IGFN1: variants seen among roughly 807,000 people sequenced by gnomAD.
IGFN1 encodes the protein immunoglobulin-like and fibronectin type III domain-containing protein 1.
A neutral mutation model predicts 289.5 loss-of-function variants in IGFN1; 253 were observed. That is an observed-to-expected ratio of 0.87 (90% CI 0.79 to 0.97). IGFN1 has a LOEUF of 0.97. IGFN1 is among the 50% of genes least tolerant of loss of function. The pLI is 0.00. For missense variants in IGFN1, 4,470 were observed against 4,686.1 expected (o/e 0.95, Z 1.35); for synonymous variants, 1,706 against 1,788.5 (o/e 0.95, Z 1.16).
At chr1:201,200,855 G>A in intron 8 of IGFN1, among the ~76,000 whole-genome samples, 1 of 146,434 alleles carries the variant, frequency 6.8e-6, no homozygotes, top group Admixed American at 6.8e-5. Flanking sequence ...TTTTTAAGAT[G>A]GAGTCTTGCT....
rs1327918885 is a variant in IGFN1 at position 201,207,821 on chromosome 1, C to T, written c.2928C>T (p.Gly976=). The change falls in exon 12 of 24, where the codon GGC becomes GGT. Residue 976 remains glycine, a synonymous_variant. Coordinates refer to ENST00000335211, the MANE Select transcript of IGFN1 (RefSeq NM_001164586.2). Reference sequence around the variant, plus strand: ...AAAGCGGGGCTGGTTATAGCTATGGCTCAGGGGTTCCAGGAGAAATGGGGT... The same window carrying T: ...AAAGCGGGGCTGGTTATAGCTATGGTTCAGGGGTTCCAGGAGAAATGGGGT... The part of the protein sequence containing the change: ...SSKSGAGYSY[G]SGVPGEMGSG... 2 of 1,535,852 alleles carry T rather than the reference C, an allele frequency of 1.3e-6. No homozygotes were observed. The highest frequency in any genetic ancestry group is 2.4e-5 in the East Asian group (1 of 40,862).
intron 16 of IGFN1, among the ~76,000 whole-genome samples, chr1:201,217,018 G>A (rs1029078943): frequency 6.6e-6 from 1 of 152,124 alleles, no homozygotes; most frequent in South Asian, 2.1e-4. Context: ...AGGAGCATCC[G>A]CCTCCAACAT....
Position 201,207,248 on chromosome 1 carries a change from A to T in IGFN1, c.2355A>T (p.Glu785Asp). ...PGGPGDPRGCEGVLQELRGRD... is the reference protein window; with the variant it reads ...PGGPGDPRGCDGVLQELRGRD... ...GCCCAGGAGACCCCAGAGGCTGCGA[A>T]GGTGTCCTACAGGAGCTCAGGGGAA... is the stretch of plus-strand genomic sequence containing the variant. Residue 785 changes from glutamate to aspartate, a missense_variant, in exon 12 of 24, where the codon GAA becomes GAT. Coordinates refer to ENST00000335211, the MANE Select transcript of IGFN1 (RefSeq NM_001164586.2). 1 of 1,536,750 alleles carries T rather than the reference A, an allele frequency of 6.5e-7. No homozygotes were observed. Among genetic ancestry groups the T allele is most frequent in the Non-Finnish European group, 8.7e-7 (1 of 1,146,872 alleles).
At chr1:201,216,774 T>G in intron 16 of IGFN1, 21 bp downstream of exon 16, 4 of 1,556,164 alleles carry the variant, frequency 2.6e-6, no homozygotes, top group Non-Finnish European at 3.5e-6. Context: ...AGGCTGGGGC[T>G]GGGGGTGGGG....
At position 201,227,139 on chromosome 1, in the gene IGFN1, G is replaced by C. The variant is rs370712454; in HGVS notation, c.11044G>C (p.Gly3682Arg). The C allele has an allele frequency of 6.2e-7, 1 of 1,613,274 alleles. No homozygotes were observed. Among genetic ancestry groups the C allele is most frequent in the Non-Finnish European group, 8.5e-7 (1 of 1,179,952 alleles). Residue 3682 changes from glycine to arginine, a missense_variant, in exon 23 of 24, where the codon GGG (glycine) becomes CGG (arginine). Around this residue, in one of 8 missense-constraint regions of IGFN1, gnomAD observed 2,218 missense variants for 2,114.1 expected, o/e 1.05. Coordinates refer to ENST00000335211, the MANE Select transcript of IGFN1 (RefSeq NM_001164586.2). ...CCCCAGCGTATCCCCGAAGGACAGC[G>C]GGGAGTACAAGGCTGTGGCTGAGAA... is the stretch of plus-strand genomic sequence containing the variant. The part of the protein sequence containing the change: ...TIPSVSPKDS[G>R]EYKAVAENTL...
At position 201,212,846 on chromosome 1, in the gene IGFN1, C is replaced by A. The variant is rs137917527; in HGVS notation, c.7953C>A (p.Ser2651=). The A allele has an allele frequency of 1.3e-3, 1,999 of 1,551,246 alleles. 4 individuals are homozygous for A. The highest frequency in any genetic ancestry group is 1.7e-3 in the Non-Finnish European group (1,916 of 1,146,870). The change falls in exon 12 of 24, where the codon TCC becomes TCA. Residue 2651 remains serine, a synonymous_variant. Coordinates refer to ENST00000335211, the MANE Select transcript of IGFN1 (RefSeq NM_001164586.2). ...AGCAGCCCGCAGGCTCCAGAGCTTC[C>A]GGTTCTCTGCAGGAGAAAGATGCCG... The part of the protein sequence containing the change: ...AGKQPAGSRA[S]GSLQEKDAAF...
In IGFN1 at chr1:201,215,166, C is replaced by G. The variant is rs34052252; in HGVS notation, c.8995+12C>G. On this transcript the variant is annotated intron_variant, in intron 14 of 23. Transcript: ENST00000335211. ...CCTGACCGTCCAGGGTAAGGCCCAG[C>G]CCTGCCCTGCCCTGCCCTGTCCTGT... 2.5e-6 allele frequency: 4 copies of G among 1,604,028 alleles called. No homozygotes were observed. The highest frequency in any genetic ancestry group is 4.5e-5 in the East Asian group (2 of 44,782).
intron 18 of IGFN1, 66 bp from the exon 19 acceptor site, chr1:201,221,378 C>T: frequency 1.6e-6 from 2 of 1,229,406 alleles, no homozygotes; most frequent in Non-Finnish European, 2.2e-6. Flanking sequence ...GAAGGCTAAT[C>T]AATATCCACA....
Position 201,216,110 on chromosome 1 carries a change from G to A in IGFN1, c.9295+272G>A, listed in dbSNP as rs899791422. The A allele has an allele frequency of 1.6e-5, 11 of 675,186 alleles. No individual in the cohort carries two copies. In the South Asian group the frequency reaches 1.8e-4, roughly 11 times the overall value. The allele number at this position is 675,186 out of a possible 1,614,324, so 41.8% of individuals were successfully genotyped here. On this transcript the variant is annotated intron_variant, in intron 15 of 23. Coordinates refer to ENST00000335211, the MANE Select transcript of IGFN1 (RefSeq NM_001164586.2). Reference sequence around the variant, plus strand: ...GGGCCCTCAGGAAGTTGCTGGGTAGGATGGTGGTCCCCAGCCCTGAGTGGT... The same window carrying A: ...GGGCCCTCAGGAAGTTGCTGGGTAGAATGGTGGTCCCCAGCCCTGAGTGGT...
intron 9 of IGFN1, 134 bp downstream of exon 9, chr1:201,201,966 T>C (rs1446345094): frequency 5.0e-5 from 31 of 620,824 alleles, no homozygotes; most frequent in Non-Finnish European, 8.4e-5. Context: ...CCTCATCCCA[T>C]GGAGTTCCTG....
intron 1 of IGFN1, among the ~76,000 whole-genome samples, chr1:201,191,892 C>T (rs556845864): frequency 6.6e-6 from 1 of 151,838 alleles, no homozygotes; most frequent in Non-Finnish European, 1.5e-5. Flanking sequence ...GGGATGATGA[C>T]TCAGATAGCT....
intron 2 of IGFN1, among the ~76,000 whole-genome samples, chr1:201,193,777 T>C (rs1317184807): frequency 1.3e-5 from 2 of 152,076 alleles, no homozygotes; most frequent in Admixed American, 6.6e-5. Context: ...GGCTTTGGGT[T>C]TTGATTTGTT....
At chr1:201,216,316 C>T in intron 15 of IGFN1, 138 bp from the exon 16 acceptor site, 2 of 678,114 alleles carry the variant, frequency 2.9e-6, no homozygotes, top group Admixed American at 6.0e-5. Flanking sequence ...GGACAGTCTG[C>T]CCCATTGCAG....
rs948381358 is a variant in IGFN1 at position 201,228,723 on chromosome 1, C to T, written c.*324C>T. The stretch of plus-strand genomic sequence containing the variant: ...CACCTGCCTGCAGGATGGGCCGGCT[C>T]CTTATTTTCCTGGGCTGAGCCGTTT... On this transcript the variant is annotated 3_prime_UTR_variant, in exon 24 of 24. Coordinates refer to ENST00000335211, the MANE Select transcript of IGFN1 (RefSeq NM_001164586.2). 1 of 389,798 alleles carries T rather than the reference C, an allele frequency of 2.6e-6. No individual in the cohort carries two copies. The highest frequency in any genetic ancestry group is 2.1e-5 in the African/African-American group (1 of 48,022). The allele number at this position is 389,798 out of a possible 1,614,324, so 24.1% of individuals were successfully genotyped here.
Position 201,221,473 on chromosome 1 carries a change from G to T in IGFN1, c.9928G>T (p.Val3310Phe), listed in dbSNP as rs1177353678. 6.2e-7 allele frequency: 1 copy of T among 1,608,948 alleles called. No individual in the cohort carries two copies. Among genetic ancestry groups the T allele is most frequent in the East Asian group, 2.2e-5 (1 of 44,844 alleles). ...RPPGLVRNLQ[V>F]TDRSNTSITL... Reference sequence around the variant, plus strand: ...CCCTGGGCTGGTGAGGAATCTCCAAGTCACAGACAGATCGAACACCAGCAT... The same window carrying T: ...CCCTGGGCTGGTGAGGAATCTCCAATTCACAGACAGATCGAACACCAGCAT... The change falls in exon 19 of 24, where the codon GTC becomes TTC. Residue 3310 changes from valine (V) to phenylalanine (F), a missense_variant. Physicochemically the swap from Val to Phe is conservative, Grantham distance 50. This residue lies in a region of IGFN1 where 2,218 missense variants were observed against 2,114.1 expected (regional missense o/e 1.05). Coordinates refer to ENST00000335211, the MANE Select transcript of IGFN1 (RefSeq NM_001164586.2).
chr1:201,199,470 C>T, intron 6 of IGFN1, 92 bp downstream of exon 6: 1 of 1,415,914 alleles, frequency 7.1e-7, no homozygotes, highest in Non-Finnish European at 9.8e-7. Flanking sequence ...CTACCATGAA[C>T]ACCTTGTGGA....
rs368090751 is a variant in IGFN1, at chr1:201,227,128, C to T, written c.11033C>T (p.Pro3678Leu). The change falls in exon 23 of 24, where the codon CCG becomes CTG. Residue 3678 changes from proline to leucine, a missense_variant. This residue lies in a region of IGFN1 where 2,218 missense variants were observed against 2,114.1 expected (regional missense o/e 1.05). Transcript: ENST00000335211. ...TCCCTCACCATCCCCAGCGTATCCC[C>T]GAAGGACAGCGGGGAGTACAAGGCT... is the stretch of plus-strand genomic sequence containing the variant. ...VCSLTIPSVS[P>L]KDSGEYKAVA... is the part of the protein sequence containing the mutation. 14 of 1,613,288 alleles carry T rather than the reference C, an allele frequency of 8.7e-6. No homozygotes were observed. The highest frequency in any genetic ancestry group is 3.3e-5 in the South Asian group (3 of 91,064).
In IGFN1 at chr1:201,205,189, C is replaced by A. The variant is rs1163818155; in HGVS notation, c.1024C>A (p.His342Asn). ...CAGCCCCTGCCCTAGTGCAGCCTGG[C>A]ATTTCCGGCACCGGCTACTCCACCC... Reference protein sequence around the residue: ...LSSPCPSAAWHFRHRLLHPSD... With the variant: ...LSSPCPSAAWNFRHRLLHPSD... Residue 342 changes from histidine to asparagine, a missense_variant, in exon 11 of 24, where the codon CAT becomes AAT. By Grantham distance (68) the His-to-Asn change is moderately conservative. This residue lies in a region of IGFN1 where 2,011 missense variants were observed against 1,953.4 expected (regional missense o/e 1.03). Transcript: ENST00000335211. The A allele has an allele frequency of 1.9e-6, 3 of 1,551,230 alleles. No homozygotes were observed. Among genetic ancestry groups the A allele is most frequent in the African/African-American group, 2.7e-5 (2 of 73,038 alleles).
chr1:201,226,493 G>A (rs756142446), intron 22 of IGFN1, among the ~76,000 whole-genome samples: 1 of 152,200 alleles, frequency 6.6e-6, no homozygotes, highest in Non-Finnish European at 1.5e-5. Flanking sequence ...CTTAAGATCA[G>A]TCACAGAAAA....
Sources: allele counts gnomAD v4.1 joint callset (sites outside exome capture counted in the v4.1 genomes callset), GRCh38; gene constraint gnomAD v4.1.1; regional missense constraint gnomAD v4.1.1; transcripts MANE v1.5; gene names NCBI Gene and HGNC (gene_info 2026-07-23, HGNC 2026-07-21).